Variants in NEDD1 observed in about 807,000 individuals in gnomAD.
NEDD1 encodes the protein protein NEDD1.
Under a neutral mutation model 74.0 loss-of-function variants are expected in NEDD1, and 33 were observed. The ratio of observed to expected loss-of-function variants is 0.45; its 90% CI spans 0.34 to 0.60. The LOEUF (loss-of-function observed/expected upper bound fraction) is 0.60, where lower values mean the gene tolerates loss of function less well. Among genes scored for constraint, NEDD1 ranks in the 20% least tolerant of loss-of-function variants. The pLI is 0.01. For synonymous variants in NEDD1, 250 were observed against 264.4 expected (o/e 0.95, Z 0.53); for missense variants, 746 against 776.5 (o/e 0.96, Z 0.47).
Position 96,920,018 on chromosome 12 carries a change from A to G in NEDD1, c.382A>G (p.Asn128Asp), listed in dbSNP as rs1874894820. Reference protein sequence around the residue: ...HKDQVTCVTYNWNDCYIASGS... With the variant: ...HKDQVTCVTYDWNDCYIASGS... Reference sequence around the variant, plus strand: ...AGATCAAGTAACTTGTGTAACATACAATTGGAATGATTGCTACATTGCTTC... The same window carrying G: ...AGATCAAGTAACTTGTGTAACATACGATTGGAATGATTGCTACATTGCTTC... Residue 128 changes from asparagine (N) to aspartate (D), a missense_variant, in exon 6 of 16, where the codon AAT (asparagine) becomes GAT (aspartate). Transcript: ENST00000266742. 6.2e-7 allele frequency: 1 copy of G among 1,606,174 alleles called. No homozygotes were observed. The highest frequency in any genetic ancestry group is 8.5e-7 in the Non-Finnish European group (1 of 1,173,422).
intron 6 of NEDD1, among the ~76,000 whole-genome samples, chr12:96,922,315 C>T (rs11108738): frequency 0.36 from 55,239 of 151,792 alleles, 11,086 homozygotes; most frequent in Non-Finnish European, 0.42. Context: ...TAAAGAGAGA[C>T]ATAAAGTCTA....
chr12:96,910,407 G>C (rs922571833), intron 3 of NEDD1, among the ~76,000 whole-genome samples: 2 of 152,148 alleles, frequency 1.3e-5, no homozygotes, highest in African/African-American at 4.8e-5. Flanking sequence ...CTCTCTGTGT[G>C]TGTGATGAAA....
chr12:96,929,307 A>G (rs1353260392), intron 6 of NEDD1, among the ~76,000 whole-genome samples: 2 of 147,456 alleles, frequency 1.4e-5, no homozygotes, highest in Non-Finnish European at 3.0e-5. Context: ...AAGTTCTGAC[A>G]TCTCTTTTCT....
Position 96,945,731 on chromosome 12 carries a change from A to T in NEDD1, c.1693A>T (p.Ser565Cys), listed in dbSNP as rs764633919. The T allele has an allele frequency of 6.2e-7, 1 of 1,605,190 alleles. No homozygotes were observed. The highest frequency in any genetic ancestry group is 1.7e-5 in the Admixed American group (1 of 59,980). Reference sequence around the variant, plus strand: ...ATCTTCTGTCACTGCTGGAGTTGCCAGTTCACTCTCAGAAAAAATAGCCGA... The same window carrying T: ...ATCTTCTGTCACTGCTGGAGTTGCCTGTTCACTCTCAGAAAAAATAGCCGA... ...IASSVTAGVA[S>C]SLSEKIADSI... The change falls in exon 14 of 16, where the codon AGT (serine) becomes TGT (cysteine). Residue 565 changes from serine to cysteine, a missense_variant. By Grantham distance (112) the Ser-to-Cys change is moderately radical. This residue lies in a region of NEDD1 where 706 missense variants were observed against 706.7 expected (regional missense o/e 1.00). Transcript: ENST00000266742.
chr12:96,919,654 C>T (rs1341922822), intron 5 of NEDD1, among the ~76,000 whole-genome samples: 1 of 152,168 alleles, frequency 6.6e-6, no homozygotes, highest in Non-Finnish European at 1.5e-5. Context: ...ACTTTGCTTC[C>T]ATCATTCATT....
chr12:96,953,620 G>A lies in NEDD1; in HGVS notation c.*1567G>A, dbSNP rs1878890704. On this transcript the variant is annotated 3_prime_UTR_variant, in exon 16 of 16. Transcript: ENST00000266742. ...AATAATTTTAGTAATTATGTGTACA[G>A]ATGAAACATTTTTGTCATGGAATTT... is the stretch of plus-strand genomic sequence containing the variant. 1 of 151,714 alleles carries A rather than the reference G, an allele frequency of 6.6e-6. No individual in the cohort carries two copies. The highest frequency in any genetic ancestry group is 6.6e-5 in the Admixed American group (1 of 15,224). The allele number at this position is 151,714 out of a possible 1,614,324, so 9.4% of individuals were successfully genotyped here.
chr12:96,910,864 A>AT (rs1295274455), intron 3 of NEDD1, among the ~76,000 whole-genome samples: 1 of 152,234 alleles, frequency 6.6e-6, no homozygotes, highest in African/African-American at 2.4e-5. Context: ...CATTTATCTG[A>AT]TTTTTATCAA....
intron 6 of NEDD1, among the ~76,000 whole-genome samples, chr12:96,928,681 C>CTTTTTT (rs34575410): frequency 4.6e-5 from 4 of 87,690 alleles, no homozygotes; most frequent in Admixed American, 1.3e-4. Context: ...TAGTGTGTTT[C>CTTTTTT]TTTTTTTTTT....
At chr12:96,916,280 G>A (rs905332962) in intron 4 of NEDD1, among the ~76,000 whole-genome samples, 1 of 147,788 alleles carries the variant, frequency 6.8e-6, no homozygotes. Flanking sequence ...TATACTTTAA[G>A]TTTTAGGGTA....
At chr12:96,930,201 ACACACACACACTCT>A (rs1445254652) in intron 6 of NEDD1, among the ~76,000 whole-genome samples, 98 of 62,390 alleles carry the variant, frequency 1.6e-3, no homozygotes, top group African/African-American at 3.6e-3. Context: ...ACACACACAC[ACACACACACACTCT>A]CTCTCTCTCT....
Position 96,912,781 on chromosome 12 carries a change from A to G in NEDD1, c.195A>G (p.Lys65=). ...ACAAAATAGTTGTCTCAAGTTGCAA[A>G]TGTAAACCTGTTCCACTTTTAGAGC... ...SGDKIVVSSC[K]CKPVPLLELA... The change falls in exon 4 of 16, where the codon AAA becomes AAG. Residue 65 remains lysine, a synonymous_variant. Transcript: ENST00000266742. 1.2e-6 allele frequency: 2 copies of G among 1,608,912 alleles called. No individual in the cohort carries two copies. Among genetic ancestry groups the G allele is most frequent in the Non-Finnish European group, 1.7e-6 (2 of 1,176,136 alleles).
rs1387249901 is a variant in NEDD1, at chr12:96,952,699, AT to A, written c.*651del. ...TGACAAATCTTTATTCCTGGGTGGT[AT>A]TTTTAAGATATCTTTACCTATAAAA... On this transcript the variant is annotated 3_prime_UTR_variant, in exon 16 of 16. Coordinates refer to ENST00000266742, the MANE Select transcript of NEDD1 (RefSeq NM_152905.4). The A allele has an allele frequency of 2.0e-5, 3 of 151,648 alleles. No homozygotes were observed. Among genetic ancestry groups the A allele is most frequent in the African/African-American group, 7.3e-5 (3 of 41,372 alleles). 9.4% of individuals were successfully genotyped at this position (151,648 alleles called of 1,614,324 possible).
At chr12:96,950,071 C>T (rs899212239) in intron 14 of NEDD1, among the ~76,000 whole-genome samples, 1 of 151,650 alleles carries the variant, frequency 6.6e-6, no homozygotes, top group African/African-American at 2.4e-5. Context: ...ACCTGCAGTT[C>T]TCATATAAAT....
intron 6 of NEDD1, among the ~76,000 whole-genome samples, chr12:96,930,211 ACTCTCTCTCTCTCT>A (rs143562580): frequency 9.0e-5 from 8 of 89,240 alleles, no homozygotes; most frequent in African/African-American, 3.1e-4. Flanking sequence ...ACACACACAC[ACTCTCTCTCTCTCT>A]CTCTCTCTCT....
chr12:96,939,983 G>A (rs981302133), intron 9 of NEDD1, among the ~76,000 whole-genome samples: 1 of 152,024 alleles, frequency 6.6e-6, no homozygotes, highest in Non-Finnish European at 1.5e-5. Flanking sequence ...GTTAGGCATC[G>A]CTCTATATGC....
intron 7 of NEDD1, among the ~76,000 whole-genome samples, chr12:96,936,038 T>A (rs1477295228): frequency 3.3e-5 from 5 of 152,236 alleles, no homozygotes; most frequent in African/African-American, 1.2e-4. Flanking sequence ...ATTCTTCTTT[T>A]CTACTATACA....
At chr12:96,947,638 T>C (rs1250138581) in intron 14 of NEDD1, among the ~76,000 whole-genome samples, 1 of 152,198 alleles carries the variant, frequency 6.6e-6, no homozygotes, top group African/African-American at 2.4e-5. Flanking sequence ...GCTCAGGGCC[T>C]TTCCTTCAGC....
rs1874892762 is a variant in NEDD1 at position 96,920,003 on chromosome 12, A to T, written c.367A>T (p.Thr123Ser). Residue 123 changes from threonine (T) to serine (S), a missense_variant, in exon 6 of 16, where the codon ACT becomes TCT. Thr to Ser is a moderately conservative substitution (Grantham distance 58). Around this residue, in one of 3 missense-constraint regions of NEDD1, gnomAD observed 706 missense variants for 706.7 expected, o/e 1.00. Transcript: ENST00000266742. ...RSLKDHKDQV[T>S]CVTYNWNDCY... ...CTTTCAGGATCATAAAGATCAAGTA[A>T]CTTGTGTAACATACAATTGGAATGA... 6.2e-7 allele frequency: 1 copy of T among 1,606,580 alleles called. No homozygotes were observed. Among genetic ancestry groups the T allele is most frequent in the Non-Finnish European group, 8.5e-7 (1 of 1,174,484 alleles).
rs75583789 is a variant in NEDD1, at chr12:96,929,723, G to A, written c.490-5253G>A. Among the ~76,000 whole-genome samples the A allele has an allele frequency of 5.6e-3, 854 of 151,544 alleles. 15 individuals are homozygous for A. Among genetic ancestry groups the A allele is most frequent in the African/African-American group, 0.019 (804 of 41,264 alleles). ...TGTTGCCTCCATCCTGTTCAGGTTT[G>A]CTTCCACTTCTAGCAGATCTCCTCA... On this transcript the variant is annotated intron_variant, in intron 6 of 15. Coordinates refer to ENST00000266742, the MANE Select transcript of NEDD1 (RefSeq NM_152905.4).
Sources: gnomAD v4.1 joint callset for allele counts (sites outside exome capture counted in the v4.1 genomes callset) on GRCh38, gnomAD v4.1.1 for gene constraint, gnomAD v4.1.1 regional missense constraint, MANE v1.5 for transcripts, NCBI Gene and HGNC (gene_info 2026-07-23, HGNC 2026-07-21) for gene names.